Variants in MAGI2 observed in about 807,000 individuals in gnomAD.
MAGI2 encodes membrane-associated guanylate kinase, WW and PDZ domain-containing protein 2.
A neutral mutation model predicts 133.3 loss-of-function variants in MAGI2; 35 were observed. That is an observed-to-expected ratio of 0.26 (90% CI 0.20 to 0.35). MAGI2 has a LOEUF of 0.35. Among genes scored for constraint, MAGI2 ranks in the 10% least tolerant of loss-of-function variants. MAGI2 has a pLI of 1.00. For synonymous variants in MAGI2, 729 were observed against 710.6 expected (o/e 1.03, Z -0.41); for missense variants, 1,636 against 1,863.4 (o/e 0.88, Z 2.25).
At chr7:78,991,124 T>C (rs1401200018) in intron 2 of MAGI2, among the ~76,000 whole-genome samples, 3 of 151,882 alleles carry the variant, frequency 2.0e-5, no homozygotes, top group South Asian at 4.1e-4. Context: ...TACTTCCTTT[T>C]TGCTTGCTCT....
intron 6 of MAGI2, among the ~76,000 whole-genome samples, chr7:78,464,199 T>C (rs1322867674): frequency 6.6e-6 from 1 of 152,188 alleles, no homozygotes; most frequent in Non-Finnish European, 1.5e-5. Flanking sequence ...TTCAGTTTGC[T>C]GGGACCTACA....
At position 78,897,895 on chromosome 7, in the gene MAGI2, A is replaced by T. The variant is rs1797331612; in HGVS notation, c.418+109195T>A. On this transcript the variant is annotated intron_variant, in intron 2 of 21. Transcript: ENST00000354212. ...TTAAGGCTTCTGAAGAGCAAAAGAA[A>T]GTACAGACAACCTACAGGGTGGGAC... 1.3e-5 allele frequency among the ~76,000 whole-genome samples: 2 copies of T among 152,228 alleles called. 1 individual carries two copies. The highest frequency in any genetic ancestry group is 4.1e-4 in the South Asian group (2 of 4,832).
intron 9 of MAGI2, among the ~76,000 whole-genome samples, chr7:78,274,903 G>A (rs2150995342): frequency 6.6e-6 from 1 of 152,282 alleles, no homozygotes; most frequent in East Asian, 1.9e-4. Flanking sequence ...CGCTGAGCCA[G>A]ACCACTTGGC....
chr7:78,909,818 A>G (rs1276605131), intron 2 of MAGI2, among the ~76,000 whole-genome samples: 2 of 152,172 alleles, frequency 1.3e-5, no homozygotes, highest in Admixed American at 6.5e-5. Flanking sequence ...TTATTCTACT[A>G]TAAAGACACA....
At chr7:78,811,655 G>A (rs1035758455) in intron 2 of MAGI2, among the ~76,000 whole-genome samples, 6 of 152,146 alleles carry the variant, frequency 3.9e-5, no homozygotes, top group Non-Finnish European at 8.8e-5. Context: ...AACACAAAAG[G>A]AAGTGGGCTT....
At chr7:78,107,685 C>G (rs1373223895) in intron 20 of MAGI2, among the ~76,000 whole-genome samples, 2 of 151,772 alleles carry the variant, frequency 1.3e-5, no homozygotes, top group African/African-American at 4.8e-5. Flanking sequence ...TGTTACTGGT[C>G]TATTCAGGAT....
chr7:79,012,255 T>C (rs909495614), intron 1 of MAGI2: 1 of 152,120 alleles, frequency 6.6e-6, no homozygotes, highest in Non-Finnish European at 1.5e-5. Context: ...TGTTTGCAAC[T>C]AATTAAACTT....
intron 2 of MAGI2, among the ~76,000 whole-genome samples, chr7:78,892,870 T>C (rs559503162): frequency 7.2e-4 from 110 of 152,066 alleles, no homozygotes; most frequent in African/African-American, 2.6e-3. Flanking sequence ...AAAGCCAAAA[T>C]TGACAAATGG....
intron 1 of MAGI2, among the ~76,000 whole-genome samples, chr7:79,424,603 T>C (rs1451983341): frequency 6.6e-6 from 1 of 152,200 alleles, no homozygotes; most frequent in Non-Finnish European, 1.5e-5. Flanking sequence ...AATGCATTTG[T>C]TAATTGGCTG....
chr7:79,202,609 T>G (rs554634601), intron 1 of MAGI2, among the ~76,000 whole-genome samples: 2 of 150,688 alleles, frequency 1.3e-5, no homozygotes, highest in Non-Finnish European at 2.9e-5. Context: ...TAAAACGTAT[T>G]TAAAAAACTC....
chr7:79,262,260 A>G (rs1834143450), intron 1 of MAGI2, among the ~76,000 whole-genome samples: 1 of 152,120 alleles, frequency 6.6e-6, no homozygotes, highest in Non-Finnish European at 1.5e-5. Flanking sequence ...GTTTTGTTTT[A>G]TTTAAGGTTA....
chr7:78,976,995 A>G (rs1007119005), intron 2 of MAGI2, among the ~76,000 whole-genome samples: 2 of 151,766 alleles, frequency 1.3e-5, no homozygotes, highest in South Asian at 2.1e-4. Flanking sequence ...AAAGGACTCA[A>G]TATTAAGTTG....
At chr7:79,395,648 A>G (rs1286526488) in intron 1 of MAGI2, among the ~76,000 whole-genome samples, 1 of 152,200 alleles carries the variant, frequency 6.6e-6, no homozygotes, top group African/African-American at 2.4e-5. Flanking sequence ...TTTACATTGA[A>G]CCATTTTTAT....
intron 3 of MAGI2, among the ~76,000 whole-genome samples, chr7:78,559,086 T>A (rs2885565): frequency 0.74 from 102,391 of 137,530 alleles, 37,988 homozygotes; most frequent in East Asian, 0.86. Flanking sequence ...AATATATGCA[T>A]GATTACAATC....
At chr7:78,689,989 A>C (rs1342919283) in intron 2 of MAGI2, among the ~76,000 whole-genome samples, 3 of 152,156 alleles carry the variant, frequency 2.0e-5, no homozygotes, top group Admixed American at 6.5e-5. Flanking sequence ...TGTGGTATAC[A>C]GAATTCTCAT....
At chr7:79,247,137 A>G (rs763779599) in intron 1 of MAGI2, among the ~76,000 whole-genome samples, 1 of 152,200 alleles carries the variant, frequency 6.6e-6, no homozygotes, top group African/African-American at 2.4e-5. Flanking sequence ...CTGTCCTACA[A>G]GAAATCTAAA....
intron 6 of MAGI2, among the ~76,000 whole-genome samples, chr7:78,424,817 C>A (rs571289118): frequency 6.6e-6 from 1 of 152,134 alleles, no homozygotes; most frequent in Non-Finnish European, 1.5e-5. Context: ...TTTGGAATGG[C>A]TGAATTTACC....
intron 10 of MAGI2, among the ~76,000 whole-genome samples, chr7:78,243,259 ACACACACACACTCTCT>A (rs200569288): frequency 0.31 from 23,910 of 77,852 alleles, 2,277 homozygotes; most frequent in Admixed American, 0.43. Flanking sequence ...ACACACACAC[ACACACACACACTCTCT>A]CTCTCTCTCT....
intron 7 of MAGI2, among the ~76,000 whole-genome samples, chr7:78,351,195 G>A (rs1241261492): frequency 6.6e-6 from 1 of 151,990 alleles, no homozygotes; most frequent in Non-Finnish European, 1.5e-5. Context: ...CTGTTTTCCA[G>A]CTTCACTCTC....
Sources: gnomAD v4.1 joint callset for allele counts (sites outside exome capture counted in the v4.1 genomes callset) on GRCh38, gnomAD v4.1.1 for gene constraint, MANE v1.5 for transcripts, NCBI Gene and HGNC (gene_info 2026-07-23, HGNC 2026-07-21) for gene names.